Variants in CD200R1L observed in about 807,000 individuals in gnomAD.
CD200R1L encodes CD200 receptor 1 like.
CD200R1L carries 14 observed loss-of-function variants against 24.8 expected under a neutral mutation model. The observed-to-expected ratio is 0.56, with a 90% CI of 0.37 to 0.88. The LOEUF is 0.88. Among genes scored for constraint, CD200R1L ranks in the 40% least tolerant of loss-of-function variants. The pLI is 0.00. For synonymous variants in CD200R1L, 111 were observed against 109.2 expected (o/e 1.02, Z -0.11); for missense variants, 299 against 297.8 (o/e 1.00, Z -0.03).
chr3:112,822,429 A>T (rs1375624264), intron 6 of CD200R1L, among the ~76,000 whole-genome samples: 4 of 152,160 alleles, frequency 2.6e-5, no homozygotes, highest in Non-Finnish European at 5.9e-5. Flanking sequence ...CTAGAGATTA[A>T]GCTAAAAACC....
chr3:112,817,372 G>A (rs1421247602), intron 7 of CD200R1L, among the ~76,000 whole-genome samples: 3 of 152,118 alleles, frequency 2.0e-5, no homozygotes, highest in Admixed American at 2.0e-4. Flanking sequence ...TTCCAAGGCA[G>A]CTAGACTACA....
In CD200R1L at chr3:112,837,385, C is replaced by T. The variant is rs61526975; in HGVS notation, c.-18+557G>A. Reference sequence around the variant, plus strand: ...ACTTTATTACTACCTTTCCTACTTCCTTCCGCCATTTGAGTACAACTTGAC... The same window carrying T: ...ACTTTATTACTACCTTTCCTACTTCTTTCCGCCATTTGAGTACAACTTGAC... On this transcript the variant is annotated intron_variant, in intron 3 of 7. Coordinates refer to ENST00000488794, the MANE Select transcript of CD200R1L (RefSeq NM_001199215.3). Among the ~76,000 whole-genome samples, 2,255 of 152,194 alleles carry T rather than the reference C, an allele frequency of 0.015. 113 individuals carry two copies. In the East Asian group the frequency reaches 0.18, roughly 12 times the overall value.
At chr3:112,816,063 G>T in intron 7 of CD200R1L, 88 bp from the exon 8 acceptor site, 2 of 735,758 alleles carry the variant, frequency 2.7e-6, no homozygotes, top group Non-Finnish European at 5.0e-6. Context: ...ACTGAGAAAT[G>T]CCTTTTAGCT....
At chr3:112,844,337 A>T (rs1332984121) in intron 2 of CD200R1L, among the ~76,000 whole-genome samples, 1 of 152,188 alleles carries the variant, frequency 6.6e-6, no homozygotes, top group Non-Finnish European at 1.5e-5. Context: ...TCAAAATCAT[A>T]CCAACCATAC....
intron 7 of CD200R1L, among the ~76,000 whole-genome samples, chr3:112,818,373 G>T (rs1246455607): frequency 6.6e-6 from 1 of 152,194 alleles, no homozygotes; most frequent in Non-Finnish European, 1.5e-5. Flanking sequence ...ACTCTAAAAA[G>T]TAAGGGGAAC....
intron 6 of CD200R1L, among the ~76,000 whole-genome samples, chr3:112,825,550 G>T (rs927665300): frequency 6.6e-6 from 1 of 151,662 alleles, no homozygotes; most frequent in Non-Finnish European, 1.5e-5. Context: ...CATTTTCTGC[G>T]CAGGGAGACA....
chr3:112,828,753 C>T (rs1172318308), intron 4 of CD200R1L, among the ~76,000 whole-genome samples: 1 of 152,116 alleles, frequency 6.6e-6, no homozygotes, highest in Non-Finnish European at 1.5e-5. Context: ...TCATGCATCT[C>T]GTAAGCCAAC....
chr3:112,828,211 A>T (rs1323900553), intron 4 of CD200R1L, among the ~76,000 whole-genome samples: 1 of 152,248 alleles, frequency 6.6e-6, no homozygotes, highest in East Asian at 1.9e-4. Context: ...TATTTCAGAC[A>T]ACCATAAATG....
At chr3:112,818,532 C>A (rs1246032447) in intron 7 of CD200R1L, among the ~76,000 whole-genome samples, 1 of 152,230 alleles carries the variant, frequency 6.6e-6, no homozygotes, top group Non-Finnish European at 1.5e-5. Context: ...TAATTGCTAG[C>A]AAGCAAGTAA....
At chr3:112,844,208 C>A (rs1023109409) in intron 2 of CD200R1L, among the ~76,000 whole-genome samples, 1 of 152,198 alleles carries the variant, frequency 6.6e-6, no homozygotes, top group Non-Finnish European at 1.5e-5. Flanking sequence ...TAACAGACAT[C>A]TACAGACAAC....
rs902579145 is a variant in CD200R1L, at chr3:112,829,259, T to C, written c.49+60A>G. The stretch of plus-strand genomic sequence containing the variant: ...CTCCAGCCAGGCCATCAGCTAATGA[T>C]TCTACTGAAGTTCAACTTTCCATCC... On this transcript the variant is annotated intron_variant, in intron 4 of 7. Transcript: ENST00000488794. 7.6e-6 allele frequency: 10 copies of C among 1,314,796 alleles called. No individual in the cohort carries two copies. The African/African-American group carries it at 1.3e-4, about 17-fold the overall frequency. The allele number at this position is 1,314,796 out of a possible 1,614,324, so 81.4% of individuals were successfully genotyped here. A position where few individuals can be genotyped will look rare whatever the true frequency, so the allele number is the denominator to read the frequency against.
At chr3:112,837,561 C>A (rs1267803913) in intron 3 of CD200R1L, among the ~76,000 whole-genome samples, 1 of 152,142 alleles carries the variant, frequency 6.6e-6, no homozygotes, top group Non-Finnish European at 1.5e-5. Context: ...ATAATTTATG[C>A]CTTCTGAAAT....
intron 7 of CD200R1L, among the ~76,000 whole-genome samples, chr3:112,816,618 C>A (rs1474132249): frequency 6.6e-6 from 1 of 152,096 alleles, no homozygotes; most frequent in Non-Finnish European, 1.5e-5. Context: ...GAGCATTGGA[C>A]CAGTGATATG....
chr3:112,831,675 G>A (rs1938803647), intron 3 of CD200R1L, among the ~76,000 whole-genome samples: 1 of 152,190 alleles, frequency 6.6e-6, no homozygotes, highest in African/African-American at 2.4e-5. Flanking sequence ...TGTAAAAATT[G>A]GAGGTATGCT....
chr3:112,817,352 A>T, intron 7 of CD200R1L, among the ~76,000 whole-genome samples: 1 of 152,182 alleles, frequency 6.6e-6, no homozygotes, highest in East Asian at 1.9e-4. Context: ...AGTGAACCTG[A>T]TTCCTTTTCT....
chr3:112,836,684 C>A (rs1389561288), intron 3 of CD200R1L, among the ~76,000 whole-genome samples: 1 of 152,174 alleles, frequency 6.6e-6, no homozygotes, highest in African/African-American at 2.4e-5. Flanking sequence ...TCTCTTTAAT[C>A]TAAAATTAGG....
At chr3:112,842,833 C>T (rs1013181402) in intron 2 of CD200R1L, among the ~76,000 whole-genome samples, 6 of 152,260 alleles carry the variant, frequency 3.9e-5, no homozygotes, top group South Asian at 4.1e-4. Context: ...GTGGTCAGAC[C>T]GGTTCTCTGC....
chr3:112,816,569 A>G (rs1938397450), intron 7 of CD200R1L, among the ~76,000 whole-genome samples: 1 of 152,212 alleles, frequency 6.6e-6, no homozygotes, highest in African/African-American at 2.4e-5. Context: ...ATTTAGAGTC[A>G]TGGATATACT....
At chr3:112,824,149 T>C (rs1039789539) in intron 6 of CD200R1L, among the ~76,000 whole-genome samples, 1 of 152,152 alleles carries the variant, frequency 6.6e-6, no homozygotes, top group Non-Finnish European at 1.5e-5. Context: ...CCTGAGATAC[T>C]ATTTGACCAA....
Sources: allele counts gnomAD v4.1 joint callset (sites outside exome capture counted in the v4.1 genomes callset), GRCh38; gene constraint gnomAD v4.1.1; transcripts MANE v1.5; gene names NCBI Gene and HGNC (gene_info 2026-07-23, HGNC 2026-07-21).